Variants in HIVEP1 observed in about 807,000 individuals in gnomAD.
HIVEP1 encodes zinc finger protein 40.
Under a neutral mutation model 180.0 loss-of-function variants are expected in HIVEP1, and 36 were observed. The observed-to-expected ratio is 0.20, with a 90% CI of 0.15 to 0.26. The LOEUF (loss-of-function observed/expected upper bound fraction) is 0.26, where lower values mean the gene tolerates loss of function less well. Ranked by LOEUF, HIVEP1 falls within the 10% of genes least tolerant of loss-of-function variation. HIVEP1 has a pLI of 1.00. For synonymous variants in HIVEP1, 1,239 were observed against 1,239.0 expected (o/e 1.00, Z 0.00); for missense variants, 3,143 against 3,268.7 (o/e 0.96, Z 0.94).
rs376448475 is a variant in HIVEP1, at chr6:12,164,127, G to A, written c.7823G>A (p.Arg2608Gln). 1.7e-5 allele frequency: 28 copies of A among 1,614,030 alleles called. No individual in the cohort carries two copies. Among genetic ancestry groups the A allele is most frequent in the South Asian group, 1.2e-4 (11 of 91,086 alleles). ...CCTCAGGGGTTACCTACAGTCCAGC[G>A]GGAAAATGCAAAAAAAGTTCTGAAT... is the stretch of plus-strand genomic sequence containing the variant. ...ESPQGLPTVQRENAKKVLNPP... is the reference protein window; with the variant it reads ...ESPQGLPTVQQENAKKVLNPP... The change falls in exon 9 of 9, where the codon CGG becomes CAG. Residue 2608 changes from arginine (R) to glutamine (Q), a missense_variant. This residue lies in a region of HIVEP1 where 595 missense variants were observed against 602.2 expected (regional missense o/e 0.99). Coordinates refer to ENST00000379388, the MANE Select transcript of HIVEP1 (RefSeq NM_002114.4).
chr6:12,035,343 A>G (rs182148984), intron 2 of HIVEP1, among the ~76,000 whole-genome samples: 1 of 152,226 alleles, frequency 6.6e-6, no homozygotes, highest in Admixed American at 6.5e-5. Context: ...TATCTTTTTC[A>G]AGTTTAGATG....
chr6:12,156,449 T>C (rs1482612471), intron 7 of HIVEP1, among the ~76,000 whole-genome samples: 1 of 152,204 alleles, frequency 6.6e-6, no homozygotes, highest in African/African-American at 2.4e-5. Flanking sequence ...GTTTTCTGCA[T>C]ATGGCTAGCC....
chr6:12,191,378 C>T, the HIVEP1 span, among the ~76,000 whole-genome samples: 1 of 152,216 alleles, frequency 6.6e-6, no homozygotes, highest in South Asian at 2.1e-4. Context: ...TGGCTTGAGC[C>T]CAGGAGTTCA....
At chr6:12,141,877 C>T (rs142228807) in intron 7 of HIVEP1, among the ~76,000 whole-genome samples, 1,837 of 152,038 alleles carry the variant, frequency 0.012, 32 homozygotes, top group African/African-American at 0.04. Flanking sequence ...CACCCAGATT[C>T]ATAAAGCAAG....
At chr6:12,041,100 T>G (rs779904074) in intron 2 of HIVEP1, among the ~76,000 whole-genome samples, 5 of 152,148 alleles carry the variant, frequency 3.3e-5, no homozygotes, top group Non-Finnish European at 7.4e-5. Context: ...CAGTTTGCTC[T>G]CTCTCCTGCA....
chr6:12,167,606 G>T (rs1385367777), downstream of HIVEP1, among the ~76,000 whole-genome samples: 2 of 113,968 alleles, frequency 1.8e-5, no homozygotes, highest in African/African-American at 2.9e-5. Flanking sequence ...ATATATACAT[G>T]TTATATTACA....
downstream of HIVEP1, among the ~76,000 whole-genome samples, chr6:12,167,073 ATAAT>A (rs950943855): frequency 4.4e-4 from 67 of 152,288 alleles, no homozygotes; most frequent in African/African-American, 1.1e-3. Context: ...TTTCGAAATG[ATAAT>A]TAACCGATGG....
chr6:12,184,022 T>TAGAG, the HIVEP1 span, among the ~76,000 whole-genome samples: 1 of 101,854 alleles, frequency 9.8e-6, no homozygotes, highest in Non-Finnish European at 2.3e-5. Context: ...GATAGATAGA[T>TAGAG]AGACAGACAG....
downstream of HIVEP1, among the ~76,000 whole-genome samples, chr6:12,166,294 T>A (rs1193590563): frequency 6.6e-6 from 1 of 152,004 alleles, no homozygotes; most frequent in African/African-American, 2.4e-5. Flanking sequence ...ATGCTTGGAG[T>A]TTTTAGCATT....
intron 2 of HIVEP1, among the ~76,000 whole-genome samples, chr6:12,025,821 C>T (rs1768544965): frequency 6.6e-6 from 1 of 152,174 alleles, no homozygotes. Context: ...AGGTGGATCA[C>T]CTGAGGTCAG....
chr6:12,011,584 C>T (rs1469797559), upstream of HIVEP1, among the ~76,000 whole-genome samples: 1 of 146,248 alleles, frequency 6.8e-6, no homozygotes, highest in Non-Finnish European at 1.5e-5. Context: ...CCCCCCCGGG[C>T]TGCGCTGCCA....
the HIVEP1 span, among the ~76,000 whole-genome samples, chr6:12,177,373 C>T: frequency 9.9e-5 from 15 of 152,170 alleles, no homozygotes; most frequent in African/African-American, 3.6e-4. Context: ...GCTACCAGCA[C>T]AGGCTTTGGA....
intron 2 of HIVEP1, among the ~76,000 whole-genome samples, chr6:12,018,626 G>A (rs73724336): frequency 2.1e-3 from 316 of 152,318 alleles, no homozygotes; most frequent in African/African-American, 7.4e-3. Context: ...TGTAGGGGGC[G>A]CAGTTTGGGG....
chr6:12,125,865 A>C lies in HIVEP1; in HGVS notation c.6070A>C (p.Ser2024Arg). The C allele has an allele frequency of 6.3e-7, 1 of 1,582,494 alleles. No homozygotes were observed. Among genetic ancestry groups the C allele is most frequent in the Non-Finnish European group, 8.6e-7 (1 of 1,161,372 alleles). The change falls in exon 4 of 9, where the codon AGC becomes CGC. Residue 2024 changes from serine to arginine, a missense_variant. Physicochemically the swap from Ser to Arg is moderately radical, Grantham distance 110. This residue lies in a region of HIVEP1 where 1,357 missense variants were observed against 1,260.5 expected (regional missense o/e 1.08). Coordinates refer to ENST00000379388, the MANE Select transcript of HIVEP1 (RefSeq NM_002114.4). ...TTCAAGCAAGTGGAAAAGCAGCTTA[A>C]GCAAGGTACTTGAAATATAATTTAT... The part of the protein sequence containing the change: ...VYSSKWKSSL[S>R]KRALGNQKST...
Position 12,103,352 on chromosome 6 carries a change from A to G in HIVEP1, c.94+14115A>G, listed in dbSNP as rs150475092. ...GTGTTTTGCAGATAATGAAGGCTCA[A>G]TAATAGAACTTACCCAAGGTCACAT... On this transcript the variant is annotated intron_variant, in intron 3 of 8. Transcript: ENST00000379388. Among the ~76,000 whole-genome samples the G allele has an allele frequency of 2.1e-3, 318 of 152,290 alleles. 1 individual carries two copies. Among genetic ancestry groups the G allele is most frequent in the African/African-American group, 7.2e-3 (301 of 41,560 alleles).
At chr6:12,074,647 C>T (rs999088781) in intron 2 of HIVEP1, among the ~76,000 whole-genome samples, 9 of 88,200 alleles carry the variant, frequency 1.0e-4, no homozygotes, top group East Asian at 2.5e-4. Context: ...TGTGTGTGCG[C>T]GCGCGTGCAT....
At chr6:12,211,181 C>G in the HIVEP1 span, among the ~76,000 whole-genome samples, 2 of 142,948 alleles carry the variant, frequency 1.4e-5, no homozygotes, top group African/African-American at 5.4e-5. Flanking sequence ...GGGCGGATCA[C>G]GAGGTCAGGA....
At chr6:12,159,277 T>C (rs1760256999) in intron 7 of HIVEP1, among the ~76,000 whole-genome samples, 1 of 152,144 alleles carries the variant, frequency 6.6e-6, no homozygotes, top group Non-Finnish European at 1.5e-5. Context: ...TGTTAGACTT[T>C]ACAGCAAGAG....
At chr6:12,047,014 C>G (rs1360195574) in intron 2 of HIVEP1, among the ~76,000 whole-genome samples, 1 of 151,748 alleles carries the variant, frequency 6.6e-6, no homozygotes, top group Non-Finnish European at 1.5e-5. Context: ...GTGTCCACCA[C>G]CACGCCTGGC....
Sources: allele counts gnomAD v4.1 joint callset (sites outside exome capture counted in the v4.1 genomes callset), GRCh38; gene constraint gnomAD v4.1.1; regional missense constraint gnomAD v4.1.1; transcripts MANE v1.5; gene names NCBI Gene and HGNC (gene_info 2026-07-23, HGNC 2026-07-21).